AQP11: variants seen among roughly 807,000 people sequenced by gnomAD.
AQP11 encodes aquaporin 11, also known as aquaporin-11.
In AQP11, 20 loss-of-function variants were observed where a neutral mutation model predicts 21.1. The ratio of observed to expected loss-of-function variants is 0.95; its 90% CI spans 0.67 to 1.38. AQP11 has a LOEUF of 1.38. Among genes scored for constraint, AQP11 ranks in the 40% most tolerant of loss-of-function variants. The probability of loss-of-function intolerance (pLI) is 0.00; values close to 1 mark genes in which losing one functional copy is unlikely to be tolerated. For synonymous variants in AQP11, 167 were observed against 150.1 expected (o/e 1.11, Z -0.82); for missense variants, 339 against 340.4 (o/e 1.00, Z 0.03).
rs1199812022 is a variant in AQP11 at position 77,603,634 on chromosome 11, C to T, written c.698C>T (p.Pro233Leu). The change falls in exon 2 of 3, where the codon CCT becomes CTT. Residue 233 changes from proline (P) to leucine (L), a missense_variant. Pro to Leu is a moderately conservative substitution (Grantham distance 98, BLOSUM62 -3). Transcript: ENST00000313578. ...LHFMCFDEAF[P>L]QFFIVYWLAP... The stretch of plus-strand genomic sequence containing the variant: ...TTCATGTGTTTTGATGAAGCATTCC[C>T]TCAGTTTTTTATAGTATACTGGCTG... 4 of 1,608,410 alleles carry T rather than the reference C, an allele frequency of 2.5e-6. No individual in the cohort carries two copies. Among genetic ancestry groups the T allele is most frequent in the Non-Finnish European group, 3.4e-6 (4 of 1,177,910 alleles).
At chr11:77,598,461 T>C (rs1398036413) in intron 1 of AQP11, among the ~76,000 whole-genome samples, 2 of 152,236 alleles carry the variant, frequency 1.3e-5, no homozygotes, top group Non-Finnish European at 2.9e-5. Context: ...TGTCAATAAA[T>C]AGTAACTTGT....
chr11:77,602,771 T>C (rs1958822459), intron 1 of AQP11, among the ~76,000 whole-genome samples: 1 of 152,224 alleles, frequency 6.6e-6, no homozygotes. Flanking sequence ...TCTCTGTGGC[T>C]AAGTAAAAGA....
Position 77,590,177 on chromosome 11 carries a change from A to G in AQP11, c.185A>G (p.His62Arg). 6.2e-7 allele frequency: 1 copy of G among 1,602,608 alleles called. No homozygotes were observed. The highest frequency in any genetic ancestry group is 8.5e-7 in the Non-Finnish European group (1 of 1,176,056). Reference protein sequence around the residue: ...LATFQLCCCTHELQLLSEQHP... With the variant: ...LATFQLCCCTRELQLLSEQHP... The stretch of plus-strand genomic sequence containing the variant: ...ACCTTCCAGCTCTGCTGCTGCACCC[A>G]CGAGCTGCAACTGCTGAGCGAACAG... Residue 62 changes from histidine (H) to arginine (R), a missense_variant, in exon 1 of 3, where the codon CAC (histidine) becomes CGC (arginine). Transcript: ENST00000313578.
intron 1 of AQP11, among the ~76,000 whole-genome samples, chr11:77,592,920 G>C (rs1958757367): frequency 6.6e-6 from 1 of 152,230 alleles, no homozygotes; most frequent in African/African-American, 2.4e-5. Flanking sequence ...CTGGCAAGGG[G>C]CCTAGGCAGC....
intron 1 of AQP11, among the ~76,000 whole-genome samples, chr11:77,595,549 C>A (rs1958773486): frequency 6.6e-6 from 1 of 152,114 alleles, no homozygotes; most frequent in African/African-American, 2.4e-5. Context: ...TAGCATAGGA[C>A]CTGGTACAAA....
intron 2 of AQP11, 29 bp downstream of exon 2, chr11:77,603,701 A>C: frequency 6.8e-7 from 1 of 1,472,232 alleles, no homozygotes; most frequent in South Asian, 1.2e-5. Context: ...AATATGTCTG[A>C]AAGATTAGGG....
chr11:77,609,569 TCA>T lies in AQP11; in HGVS notation c.*193_*194del, dbSNP rs2135753451. The T allele has an allele frequency of 2.3e-6, 1 of 434,082 alleles. No homozygotes were observed. Among genetic ancestry groups the T allele is most frequent in the East Asian group, 3.3e-5 (1 of 29,898 alleles). The allele number at this position is 434,082 out of a possible 1,614,324, so 26.9% of individuals were successfully genotyped here. A position where few individuals can be genotyped will look rare whatever the true frequency, so the allele number is the denominator to read the frequency against. ...GTGAAAATGAGGTATTCTGTACTTC[TCA>T]GTTAAGACTTGTTCTTTGAGTGATG... On this transcript the variant is annotated 3_prime_UTR_variant, in exon 3 of 3. Coordinates refer to ENST00000313578, the MANE Select transcript of AQP11 (RefSeq NM_173039.3).
intron 1 of AQP11, among the ~76,000 whole-genome samples, chr11:77,593,469 A>G (rs542101636): frequency 3.3e-5 from 5 of 152,182 alleles, no homozygotes; most frequent in Admixed American, 6.5e-5. Context: ...CCCCGTCTCT[A>G]CTAAAAAATA....
At chr11:77,594,591 T>C (rs1958767661) in intron 1 of AQP11, among the ~76,000 whole-genome samples, 1 of 152,244 alleles carries the variant, frequency 6.6e-6, no homozygotes, top group South Asian at 2.1e-4. Flanking sequence ...TATGTCTTTT[T>C]TAAGCTTCTA....
chr11:77,608,879 AG>A (rs1461490236), intron 2 of AQP11, among the ~76,000 whole-genome samples: 4 of 152,214 alleles, frequency 2.6e-5, no homozygotes, highest in Admixed American at 6.5e-5. Flanking sequence ...TTTATTCTCT[AG>A]GTATGTCCCT....
At chr11:77,602,009 A>G (rs1049999896) in intron 1 of AQP11, among the ~76,000 whole-genome samples, 6 of 152,226 alleles carry the variant, frequency 3.9e-5, no homozygotes, top group African/African-American at 1.4e-4. Flanking sequence ...CTATCAACAC[A>G]AGTTGCAAAG....
At position 77,590,177 on chromosome 11, in the gene AQP11, A is replaced by T; in HGVS notation, c.185A>T (p.His62Leu). 6.2e-7 allele frequency: 1 copy of T among 1,602,608 alleles called. No individual in the cohort carries two copies. Among genetic ancestry groups the T allele is most frequent in the Non-Finnish European group, 8.5e-7 (1 of 1,176,056 alleles). The change falls in exon 1 of 3, where the codon CAC (histidine) becomes CTC (leucine). Residue 62 changes from histidine (H) to leucine (L), a missense_variant. His to Leu is a moderately conservative substitution (Grantham distance 99). Coordinates refer to ENST00000313578, the MANE Select transcript of AQP11 (RefSeq NM_173039.3). ...ACCTTCCAGCTCTGCTGCTGCACCC[A>T]CGAGCTGCAACTGCTGAGCGAACAG... is the stretch of plus-strand genomic sequence containing the variant. ...LATFQLCCCT[H>L]ELQLLSEQHP...
intron 1 of AQP11, among the ~76,000 whole-genome samples, chr11:77,595,964 A>G (rs1041763963): frequency 1.3e-5 from 2 of 151,942 alleles, no homozygotes; most frequent in Admixed American, 1.3e-4. Flanking sequence ...AAAAAAAAAG[A>G]GAGAAGGGAA....
chr11:77,600,873 G>A (rs1209054055), intron 1 of AQP11, among the ~76,000 whole-genome samples: 14 of 152,128 alleles, frequency 9.2e-5, no homozygotes, highest in African/African-American at 2.6e-4. Context: ...TTAGCCGGGC[G>A]TGGTGGCGGG....
intron 1 of AQP11, among the ~76,000 whole-genome samples, chr11:77,597,157 T>C (rs907156774): frequency 6.6e-6 from 1 of 152,168 alleles, no homozygotes; most frequent in African/African-American, 2.4e-5. Context: ...AAGTTGTAAC[T>C]TTTATAACGA....
At chr11:77,601,559 GA>G (rs1958815818) in intron 1 of AQP11, among the ~76,000 whole-genome samples, 1 of 152,098 alleles carries the variant, frequency 6.6e-6, no homozygotes, top group East Asian at 1.9e-4. Flanking sequence ...TATGTTGCCT[GA>G]GCTCATTACA....
chr11:77,609,266 GT>G, intron 2 of AQP11, 31 bp from the exon 3 acceptor site: 1 of 1,558,602 alleles, frequency 6.4e-7, no homozygotes, highest in Non-Finnish European at 8.8e-7. Context: ...CTTAAAGATT[GT>G]TTTTTTATTT....
chr11:77,593,480 CA>C (rs1330591130), intron 1 of AQP11, among the ~76,000 whole-genome samples: 1 of 151,900 alleles, frequency 6.6e-6, no homozygotes, highest in African/African-American at 2.4e-5. Flanking sequence ...CTAAAAAATA[CA>C]AAAAAATTAG....
In AQP11 at chr11:77,604,325, A is replaced by T. The variant is rs528633309; in HGVS notation, c.736+653A>T. Among the ~76,000 whole-genome samples the T allele has an allele frequency of 2.6e-5, 4 of 152,334 alleles. No individual in the cohort carries two copies. In the East Asian group the frequency reaches 7.7e-4, roughly 29 times the overall value. The stretch of plus-strand genomic sequence containing the variant: ...GAGATGAGGTCTCGCTATGTTGCTC[A>T]GGCTACATTCCAGTTACTTCTATTT... On this transcript the variant is annotated intron_variant, in intron 2 of 2. Coordinates refer to ENST00000313578, the MANE Select transcript of AQP11 (RefSeq NM_173039.3).
Sources: allele counts gnomAD v4.1 joint callset (sites outside exome capture counted in the v4.1 genomes callset), GRCh38; gene constraint gnomAD v4.1.1; transcripts MANE v1.5; gene names NCBI Gene and HGNC (gene_info 2026-07-23, HGNC 2026-07-21).